The following PIP5K1C variants were observed in gnomAD, a reference collection of about 807,000 sequenced individuals.
The protein encoded by PIP5K1C is phosphatidylinositol 4-phosphate 5-kinase type-1 gamma.
A neutral mutation model predicts 80.1 loss-of-function variants in PIP5K1C; 45 were observed. The ratio of observed to expected loss-of-function variants is 0.56; its 90% CI spans 0.44 to 0.72. The LOEUF is 0.72. Among genes scored for constraint, PIP5K1C ranks in the 30% least tolerant of loss-of-function variants. The pLI, the probability that PIP5K1C is intolerant of heterozygous loss-of-function variation, is 0.00. For synonymous variants in PIP5K1C, 498 were observed against 420.1 expected, an observed-to-expected ratio of 1.19 and a Z score of -2.27; for missense variants, 753 against 954.6, an observed-to-expected ratio of 0.79 and a Z score of 2.78.
rs548576326 is a variant in PIP5K1C at position 3,652,569 on chromosome 19, G to T, written c.922-538C>A. ...CCAGGCTCTGCTCCTGACAGGCTGGGGCCTCCCCTCCTTGGCTCCATGCCT... is the reference window on the plus strand; with the variant it reads ...CCAGGCTCTGCTCCTGACAGGCTGGTGCCTCCCCTCCTTGGCTCCATGCCT... On this transcript the variant is annotated intron_variant, in intron 7 of 17. Coordinates refer to ENST00000335312, the MANE Select transcript of PIP5K1C (RefSeq NM_012398.3). Among the ~76,000 whole-genome samples, 8 of 152,302 alleles carry T rather than the reference G, an allele frequency of 5.3e-5. 1 individual carries two copies. The South Asian group carries it at 1.7e-3, about 32-fold the overall frequency.
At chr19:3,678,616 AG>A (rs1447109071) in intron 1 of PIP5K1C, among the ~76,000 whole-genome samples, 1 of 109,774 alleles carries the variant, frequency 9.1e-6, no homozygotes, top group Non-Finnish European at 1.8e-5. Context: ...GGGTGGAAGG[AG>A]GGATGGAGAG....
chr19:3,651,787 G>C (rs755648266), intron 8 of PIP5K1C, 39 bp downstream of exon 8: 3 of 1,585,670 alleles, frequency 1.9e-6, no homozygotes, highest in Admixed American at 3.3e-5. Flanking sequence ...CTGTGGGGAA[G>C]GGAAGCGGGA....
At chr19:3,686,297 G>A (rs1009081159) in intron 1 of PIP5K1C, among the ~76,000 whole-genome samples, 1 of 152,012 alleles carries the variant, frequency 6.6e-6, no homozygotes, top group Non-Finnish European at 1.5e-5. Context: ...GCGGGCGCCT[G>A]TAGTCCCAGC....
intron 3 of PIP5K1C, 48 bp from the exon 4 acceptor site, chr19:3,662,049 C>A: frequency 6.5e-7 from 1 of 1,540,510 alleles, no homozygotes; most frequent in Middle Eastern, 1.9e-4. Context: ...CCCCACGCTG[C>A]CCTGCACCCC....
At chr19:3,658,470 C>T (rs924584427) in intron 5 of PIP5K1C, among the ~76,000 whole-genome samples, 19 of 152,374 alleles carry the variant, frequency 1.2e-4, no homozygotes, top group East Asian at 1.2e-3. Flanking sequence ...AGAGCCCACG[C>T]GGCTCCTCCG....
In PIP5K1C at chr19:3,696,614, TG is replaced by T. The variant is rs1208806887; in HGVS notation, c.94+3682del. 8.0e-5 allele frequency among the ~76,000 whole-genome samples: 1 copy of T among 12,534 alleles called. No homozygotes were observed. Among genetic ancestry groups the T allele is most frequent in the South Asian group, 2.4e-3 (1 of 412 alleles). The allele number at this position is 12,534 out of a possible 152,430, so 8.2% of individuals were successfully genotyped here. ...GAGGAGGGGCATTCCGGGGTGGGGGTGGGGGGCAGCCGTGCAAAGGCCCCGG... is the reference window on the plus strand; with the variant it reads ...GAGGAGGGGCATTCCGGGGTGGGGGTGGGGGCAGCCGTGCAAAGGCCCCGG... On this transcript the variant is annotated intron_variant, in intron 1 of 17. Transcript: ENST00000335312. The surrounding 1 kb of genome is among the most constrained non-coding windows in gnomAD (Gnocchi z 4.1).
chr19:3,681,106 C>T (rs1031035883), intron 1 of PIP5K1C, among the ~76,000 whole-genome samples: 1 of 152,048 alleles, frequency 6.6e-6, no homozygotes, highest in Non-Finnish European at 1.5e-5. Context: ...CACAAGAACC[C>T]GGAGTCAACA....
Position 3,688,838 on chromosome 19 carries a change from C to A in PIP5K1C, c.94+11459G>T, listed in dbSNP as rs964599410. Among the ~76,000 whole-genome samples, 23 of 152,222 alleles carry A rather than the reference C, an allele frequency of 1.5e-4. No individual in the cohort carries two copies. The highest frequency in any genetic ancestry group is 1.4e-3 in the Admixed American group (22 of 15,300). ...CACCCACGTCGCCATGGCCCCCCACCCCGTTTTTGAGCCCCCACACAGCCG... is the reference window on the plus strand; with the variant it reads ...CACCCACGTCGCCATGGCCCCCCACACCGTTTTTGAGCCCCCACACAGCCG... On this transcript the variant is annotated intron_variant, in intron 1 of 17. Transcript: ENST00000335312. The surrounding 1 kb of genome is among the most constrained non-coding windows in gnomAD (Gnocchi z 5.3).
intron 7 of PIP5K1C, among the ~76,000 whole-genome samples, chr19:3,652,319 TGA>T (rs892616970): frequency 1.3e-5 from 2 of 152,232 alleles, no homozygotes; most frequent in Admixed American, 6.5e-5. Context: ...TACTCCTTCC[TGA>T]GAGACAGGGA....
chr19:3,671,294 G>C (rs1042735813), intron 1 of PIP5K1C, among the ~76,000 whole-genome samples: 2 of 152,204 alleles, frequency 1.3e-5, no homozygotes, highest in African/African-American at 2.4e-5. Context: ...ACCCCTGCCC[G>C]GACTCTCCCA....
chr19:3,687,589 A>G (rs750193398), intron 1 of PIP5K1C, among the ~76,000 whole-genome samples: 1 of 152,016 alleles, frequency 6.6e-6, no homozygotes, highest in Non-Finnish European at 1.5e-5. Context: ...ACACATGCAG[A>G]TACACACATG....
At chr19:3,700,013 C>A (rs2036246591) in intron 1 of PIP5K1C, among the ~76,000 whole-genome samples, 1 of 152,180 alleles carries the variant, frequency 6.6e-6, no homozygotes, top group Non-Finnish European at 1.5e-5. Flanking sequence ...GACGGGCAGC[C>A]CCTGGGAGCG....
chr19:3,694,211 C>CA (rs1175485721), intron 1 of PIP5K1C, among the ~76,000 whole-genome samples: 833 of 56,798 alleles, frequency 0.015, 9 homozygotes, highest in South Asian at 0.03. Context: ...GACTCCATCT[C>CA]AAAAAAAAAA....
rs572702109 is a variant in PIP5K1C at position 3,671,848 on chromosome 19, G to A, written c.95-4495C>T. ...CGTGACCCCCATAGGGGGCTGTCAT[G>A]ACGGTGAGCTCTGCTCAGCCTGAGA... On this transcript the variant is annotated intron_variant, in intron 1 of 17. Transcript: ENST00000335312. 2.6e-5 allele frequency among the ~76,000 whole-genome samples: 4 copies of A among 152,364 alleles called. No homozygotes were observed. The East Asian group carries it at 7.7e-4, about 29-fold the overall frequency.
At chr19:3,678,427 GGATGGAGGATGGAGA>G (rs1227073872) in intron 1 of PIP5K1C, among the ~76,000 whole-genome samples, 6 of 136,182 alleles carry the variant, frequency 4.4e-5, no homozygotes, top group Non-Finnish European at 6.5e-5. Flanking sequence ...AAGGATGGAG[GGATGGAGGATGGAGA>G]GATGGAGGAT....
In PIP5K1C at chr19:3,688,263, C is replaced by T. The variant is rs750588162; in HGVS notation, c.94+12034G>A. ...GTCCTCCAGGGGCGCAGCGTCCCTC[C>T]GGGGAGTACAGTGTCCCTGAAGGGA... On this transcript the variant is annotated intron_variant, in intron 1 of 17. Coordinates refer to ENST00000335312, the MANE Select transcript of PIP5K1C (RefSeq NM_012398.3). The surrounding 1 kb of genome is among the most constrained non-coding windows in gnomAD (Gnocchi z 5.3). Among the ~76,000 whole-genome samples the T allele has an allele frequency of 1.2e-4, 18 of 152,330 alleles. No homozygotes were observed. The South Asian group carries it at 1.9e-3, about 16-fold the overall frequency.
chr19:3,655,693 C>T (rs769833035), intron 6 of PIP5K1C, among the ~76,000 whole-genome samples: 39 of 152,110 alleles, frequency 2.6e-4, no homozygotes, highest in Admixed American at 5.9e-4. Context: ...CCGGGCCCCT[C>T]GCTAAGCATC....
chr19:3,636,414 T>C (rs567652327), intron 16 of PIP5K1C: 2 of 985,432 alleles, frequency 2.0e-6, no homozygotes, highest in Admixed American at 6.1e-5. Flanking sequence ...CTGCTGTGCC[T>C]GCTGCCGAGA....
intron 1 of PIP5K1C, among the ~76,000 whole-genome samples, chr19:3,698,321 C>A (rs1444966592): frequency 2.0e-5 from 3 of 152,238 alleles, no homozygotes; most frequent in African/African-American, 7.2e-5. Context: ...GACGCTGAAG[C>A]CCGGGGAAGT....
Sources: allele counts gnomAD v4.1 joint callset (sites outside exome capture counted in the v4.1 genomes callset), GRCh38; gene constraint gnomAD v4.1.1; non-coding constraint Gnocchi (gnomAD v3.1); transcripts MANE v1.5; gene names NCBI Gene and HGNC (gene_info 2026-07-23, HGNC 2026-07-21).